Variants in PUDP observed in about 807,000 individuals in gnomAD.
The protein encoded by PUDP is pseudouridine-5'-phosphatase.
Under a neutral mutation model 9.4 loss-of-function variants are expected in PUDP, and 8 were observed. The ratio of observed to expected loss-of-function variants is 0.85; its 90% CI spans 0.50 to 1.53. PUDP has a LOEUF of 1.53. Among genes scored for constraint, PUDP ranks in the 40% most tolerant of loss-of-function variants. PUDP has a pLI of 0.00. For missense variants in PUDP, 188 were observed against 189.7 expected, an observed-to-expected ratio of 0.99 and a Z score of 0.05; for synonymous variants, 99 against 80.7, an observed-to-expected ratio of 1.23 and a Z score of -1.22.
intron 1 of PUDP, among the ~76,000 whole-genome samples, chrX:7,110,006 T>C (rs138973559): frequency 0.042 from 4,701 of 112,025 alleles, 231 homozygotes; most frequent in African/African-American, 0.14. Context: ...CTGTGTGGCA[T>C]GTTGAGAGCA....
intron 1 of PUDP, among the ~76,000 whole-genome samples, chrX:6,719,380 A>G (rs1924635585): frequency 8.9e-6 from 1 of 111,884 alleles, no homozygotes; most frequent in Non-Finnish European, 1.9e-5. Flanking sequence ...ATACAGTCAC[A>G]TTGCGGGGTA....
intron 1 of PUDP, among the ~76,000 whole-genome samples, chrX:7,146,562 C>T (rs1340872615): frequency 1.8e-5 from 2 of 111,037 alleles, no homozygotes; most frequent in African/African-American, 6.6e-5. Context: ...AATTAGTGAC[C>T]TCTACGGGGA....
intron 3 of PUDP, among the ~76,000 whole-genome samples, chrX:6,867,475 G>C (rs113064383): frequency 9.1e-6 from 1 of 110,372 alleles, no homozygotes; most frequent in Non-Finnish European, 1.9e-5. Flanking sequence ...AGTGGTGATG[G>C]TGGTGGTGGT....
At chrX:6,944,457 A>C (rs1027609644) in intron 3 of PUDP, among the ~76,000 whole-genome samples, 7 of 109,621 alleles carry the variant, frequency 6.4e-5, no homozygotes, top group African/African-American at 2.3e-4. Context: ...TGAGAGTGAG[A>C]TACATCAGGG....
chrX:6,990,132 C>CAA (rs1366777579), intron 1 of PUDP, among the ~76,000 whole-genome samples: 1 of 109,407 alleles, frequency 9.1e-6, no homozygotes, highest in Non-Finnish European at 1.9e-5. Flanking sequence ...CGCGCATGCA[C>CAA]ACACACACAC....
intron 1 of PUDP, among the ~76,000 whole-genome samples, chrX:7,020,142 C>T (rs926248389): frequency 9.1e-6 from 1 of 110,068 alleles, no homozygotes; most frequent in East Asian, 2.9e-4. Flanking sequence ...TGTGCCTATT[C>T]GAGACACTGG....
intron 3 of PUDP, among the ~76,000 whole-genome samples, chrX:6,889,882 G>A (rs367877815): frequency 2.2e-4 from 24 of 111,380 alleles, no homozygotes; most frequent in Non-Finnish European, 3.2e-4. Context: ...CACGGGCTGT[G>A]AGGAAACAGG....
intron 3 of PUDP, among the ~76,000 whole-genome samples, chrX:6,751,644 C>G: frequency 9.0e-6 from 1 of 111,368 alleles, no homozygotes; most frequent in Non-Finnish European, 1.9e-5. Flanking sequence ...AAAAGTGCAA[C>G]CTTTCATCTC....
intron 3 of PUDP, among the ~76,000 whole-genome samples, chrX:6,911,747 CTTTTTA>C (rs1487860541): frequency 1.8e-5 from 2 of 111,464 alleles, no homozygotes; most frequent in African/African-American, 6.5e-5. Context: ...TTTGCTTTGT[CTTTTTA>C]TTTTTAGTTT....
At chrX:6,881,037 T>C (rs1927339138) in intron 3 of PUDP, among the ~76,000 whole-genome samples, 1 of 112,267 alleles carries the variant, frequency 8.9e-6, no homozygotes, top group Admixed American at 9.5e-5. Context: ...TGGATCTGAG[T>C]CTGCCAGGGC....
intron 3 of PUDP, among the ~76,000 whole-genome samples, chrX:7,073,396 A>G (rs745812207): frequency 8.9e-6 from 1 of 112,029 alleles, no homozygotes; most frequent in Non-Finnish European, 1.9e-5. Context: ...TACTACTACT[A>G]TGCCTAATTA....
intron 3 of PUDP, among the ~76,000 whole-genome samples, chrX:6,898,852 G>A (rs1221729643): frequency 1.8e-5 from 2 of 112,005 alleles, no homozygotes; most frequent in African/African-American, 6.5e-5. Flanking sequence ...GAGGTGGTGG[G>A]CTGGATTTAG....
intron 1 of PUDP, among the ~76,000 whole-genome samples, chrX:7,111,011 T>G (rs1034179969): frequency 1.8e-5 from 2 of 111,814 alleles, no homozygotes; most frequent in Non-Finnish European, 3.8e-5. Context: ...AATCTCGAAC[T>G]GTAATCCCCA....
upstream of PUDP, among the ~76,000 whole-genome samples, chrX:6,723,456 A>G (rs1432993194): frequency 2.8e-5 from 3 of 105,713 alleles, no homozygotes; most frequent in African/African-American, 1.0e-4. Flanking sequence ...AAAAAAAAAA[A>G]AAAGAGAAGA....
chrX:7,134,150 A>T (rs1480783079), intron 1 of PUDP, among the ~76,000 whole-genome samples: 1 of 112,363 alleles, frequency 8.9e-6, no homozygotes, highest in Non-Finnish European at 1.9e-5. Context: ...GTTGTCAATG[A>T]GATGGGCCAG....
At position 6,873,066 on chromosome X, in the gene PUDP, C is replaced by A. The variant is rs1190003782; in HGVS notation, c.*247+104067G>T. On this transcript the variant is annotated intron_variant and NMD_transcript_variant, in intron 3 of 3. Transcript: ENST00000655425. ...ACAGAAAATCAAGAGCTCCCAAGCA[C>A]GAGAGAAATCCCTCCATGTGCCTCA... is the stretch of plus-strand genomic sequence containing the variant. 2.7e-5 allele frequency among the ~76,000 whole-genome samples: 3 copies of A among 111,693 alleles called. No homozygotes were observed. The Admixed American group carries it at 2.9e-4, about 11-fold the overall frequency.
At chrX:7,042,946 G>T (rs1382652030) in intron 1 of PUDP, among the ~76,000 whole-genome samples, 1 of 111,737 alleles carries the variant, frequency 8.9e-6, no homozygotes, top group Non-Finnish European at 1.9e-5. Flanking sequence ...AGTTCCACGG[G>T]GGCAGGGCTA....
chrX:7,114,123 G>A (rs760327825), intron 1 of PUDP, among the ~76,000 whole-genome samples: 2 of 111,109 alleles, frequency 1.8e-5, no homozygotes, highest in East Asian at 5.7e-4. Context: ...AGCCAGGGCT[G>A]GAGTGCAAAG....
chrX:7,097,556 A>C (rs1415782319), intron 2 of PUDP, among the ~76,000 whole-genome samples: 1 of 111,750 alleles, frequency 8.9e-6, no homozygotes, highest in Non-Finnish European at 1.9e-5. Context: ...TTTGCTGTGC[A>C]ACAATATCCT....
Sources: gnomAD v4.1 joint callset for allele counts (sites outside exome capture counted in the v4.1 genomes callset) on GRCh38, gnomAD v4.1.1 for gene constraint, MANE v1.5 for transcripts, NCBI Gene and HGNC (gene_info 2026-07-23, HGNC 2026-07-21) for gene names.